Variants in CSMD3 observed in about 807,000 individuals in gnomAD.
The protein encoded by CSMD3 is CUB and sushi domain-containing protein 3.
CSMD3 carries 177 observed loss-of-function variants against 435.2 expected under a neutral mutation model. The observed-to-expected ratio is 0.41, with a 90% CI of 0.36 to 0.46. The LOEUF (loss-of-function observed/expected upper bound fraction) is 0.46, where lower values mean the gene tolerates loss of function less well. CSMD3 is among the 20% of genes least tolerant of loss of function. The pLI, the probability that CSMD3 is intolerant of heterozygous loss-of-function variation, is 0.34. For synonymous variants in CSMD3, 1,656 were observed against 1,520.5 expected, an observed-to-expected ratio of 1.09 and a Z score of -2.07; for missense variants, 4,265 against 4,504.6, an observed-to-expected ratio of 0.95 and a Z score of 1.52.
At position 112,563,023 on chromosome 8, in the gene CSMD3, A is replaced by G. The variant is rs546426393; in HGVS notation, c.4043-6069T>C. Among the ~76,000 whole-genome samples, 3 of 151,992 alleles carry G rather than the reference A, an allele frequency of 2.0e-5. No homozygotes were observed. The South Asian group carries it at 6.2e-4, about 31-fold the overall frequency. On this transcript the variant is annotated intron_variant, in intron 24 of 70. Transcript: ENST00000297405. ...TTAAATACTCTGGAATTTAACTATA[A>G]AGCAGAATGTCAACTGTGCCACCTC...
At chr8:113,312,969 T>C (rs2093881378) in intron 2 of CSMD3, 1 of 152,176 alleles carries the variant, frequency 6.6e-6, no homozygotes, top group Non-Finnish European at 1.5e-5. Flanking sequence ...ATCTTAGCTG[T>C]AATCAACCTA....
At chr8:112,780,961 A>G (rs893570560) in intron 13 of CSMD3, among the ~76,000 whole-genome samples, 2 of 152,070 alleles carry the variant, frequency 1.3e-5, no homozygotes, top group Admixed American at 1.3e-4. Flanking sequence ...TGAGGTTCAT[A>G]CAACCTAGTG....
At chr8:113,017,212 C>T (rs1271606832) in intron 6 of CSMD3, among the ~76,000 whole-genome samples, 35 of 151,800 alleles carry the variant, frequency 2.3e-4, no homozygotes. Flanking sequence ...CTTTTCAGTG[C>T]CGAAAACGCA....
intron 10 of CSMD3, among the ~76,000 whole-genome samples, chr8:112,863,252 A>C (rs968450220): frequency 6.6e-6 from 1 of 151,940 alleles, no homozygotes; most frequent in African/African-American, 2.4e-5. Context: ...ATCTCACTCA[A>C]GAAAGATTTT....
chr8:112,262,467 T>C (rs949664564), intron 61 of CSMD3, among the ~76,000 whole-genome samples: 2 of 152,110 alleles, frequency 1.3e-5, no homozygotes, highest in East Asian at 3.9e-4. Flanking sequence ...GAGGACATAG[T>C]TCAAATAAAC....
chr8:113,370,237 G>T (rs2094338902), intron 1 of CSMD3, among the ~76,000 whole-genome samples: 1 of 151,076 alleles, frequency 6.6e-6, no homozygotes, highest in Non-Finnish European at 1.5e-5. Context: ...TAAAAGGATT[G>T]CTCACAAAAG....
At chr8:112,612,865 G>A (rs1487670134) in intron 22 of CSMD3, among the ~76,000 whole-genome samples, 7 of 150,842 alleles carry the variant, frequency 4.6e-5, no homozygotes, top group Non-Finnish European at 8.9e-5. Context: ...TCACAGGGGT[G>A]TACACCACCA....
intron 22 of CSMD3, among the ~76,000 whole-genome samples, chr8:112,599,856 C>T (rs1303517356): frequency 1.2e-5 from 1 of 83,026 alleles, no homozygotes; most frequent in African/African-American, 5.7e-5. Context: ...ATATCACACT[C>T]TGGGGACTGT....
At chr8:112,559,925 T>C (rs1828466302) in intron 24 of CSMD3, among the ~76,000 whole-genome samples, 1 of 151,750 alleles carries the variant, frequency 6.6e-6, no homozygotes. Context: ...GGAAAATCAC[T>C]TAAGACAAAA....
At chr8:113,328,730 C>CTTTTTTT (rs1433804259) in intron 1 of CSMD3, among the ~76,000 whole-genome samples, 11 of 64,018 alleles carry the variant, frequency 1.7e-4, no homozygotes, top group African/African-American at 7.0e-4. Flanking sequence ...TTCCTTCCTT[C>CTTTTTTT]TTTTCTTTTT....
intron 31 of CSMD3, 103 bp downstream of exon 31, chr8:112,492,386 G>T: frequency 2.3e-6 from 2 of 886,864 alleles, no homozygotes; most frequent in Middle Eastern, 2.3e-4. Context: ...GACACTTGTA[G>T]ATTGTATGTG....
intron 6 of CSMD3, among the ~76,000 whole-genome samples, chr8:112,995,993 AT>A (rs1050255545): frequency 1.3e-5 from 2 of 151,344 alleles, no homozygotes; most frequent in Non-Finnish European, 3.0e-5. Flanking sequence ...TTACCTATTT[AT>A]TTTTTATATA....
chr8:112,277,538 G>C (rs184074972), intron 59 of CSMD3, among the ~76,000 whole-genome samples: 116 of 152,232 alleles, frequency 7.6e-4, no homozygotes, highest in African/African-American at 2.7e-3. Flanking sequence ...CCTCCAAACT[G>C]TTCCAACCTC....
At chr8:112,920,105 A>C (rs529579191) in intron 10 of CSMD3, among the ~76,000 whole-genome samples, 1 of 152,024 alleles carries the variant, frequency 6.6e-6, no homozygotes, top group East Asian at 1.9e-4. Flanking sequence ...CGACATGATG[A>C]GGTATTCATT....
intron 27 of CSMD3, among the ~76,000 whole-genome samples, chr8:112,544,979 C>A (rs1178776206): frequency 1.3e-5 from 2 of 152,110 alleles, no homozygotes; most frequent in African/African-American, 2.4e-5. Context: ...CATATATACT[C>A]GTGGCATGAG....
intron 6 of CSMD3, among the ~76,000 whole-genome samples, chr8:112,989,347 T>A (rs1032031058): frequency 2.6e-5 from 4 of 152,028 alleles, no homozygotes; most frequent in African/African-American, 9.7e-5. Context: ...TCACTTTATT[T>A]CTCTATACTA....
chr8:113,121,966 G>A (rs2090998145), intron 4 of CSMD3, among the ~76,000 whole-genome samples: 2 of 152,112 alleles, frequency 1.3e-5, no homozygotes, highest in African/African-American at 2.4e-5. Flanking sequence ...AGAACGTGAT[G>A]TATAAAAAGG....
chr8:113,258,618 G>C (rs1020059823), intron 3 of CSMD3, among the ~76,000 whole-genome samples: 2 of 152,052 alleles, frequency 1.3e-5, no homozygotes, highest in African/African-American at 4.8e-5. Context: ...GCTATATTAT[G>C]TTTTGGACTG....
intron 32 of CSMD3, among the ~76,000 whole-genome samples, chr8:112,471,406 G>A (rs1329970821): frequency 1.3e-5 from 2 of 152,100 alleles, no homozygotes; most frequent in Admixed American, 1.3e-4. Context: ...CTAAACTGTC[G>A]TTTTCTTCAC....
Sources: allele counts gnomAD v4.1 joint callset (sites outside exome capture counted in the v4.1 genomes callset), GRCh38; gene constraint gnomAD v4.1.1; transcripts MANE v1.5; gene names NCBI Gene and HGNC (gene_info 2026-07-23, HGNC 2026-07-21).